Variants in MDFIC observed in about 807,000 individuals in gnomAD.
MDFIC encodes myoD family inhibitor domain-containing protein.
A neutral mutation model predicts 23.2 loss-of-function variants in MDFIC; 17 were observed. The ratio of observed to expected loss-of-function variants is 0.73; its 90% CI spans 0.50 to 1.10. The LOEUF is 1.10. Ranked by LOEUF, MDFIC falls within the 50% of genes least tolerant of loss-of-function variation. The pLI, the probability that MDFIC is intolerant of heterozygous loss-of-function variation, is 0.00. For synonymous variants in MDFIC, 120 were observed against 115.2 expected (o/e 1.04, Z -0.27); for missense variants, 356 against 316.6 (o/e 1.12, Z -0.95).
At chr7:114,975,378 A>C (rs1313445954) in intron 3 of MDFIC, among the ~76,000 whole-genome samples, 1 of 152,134 alleles carries the variant, frequency 6.6e-6, no homozygotes, top group Non-Finnish European at 1.5e-5. Flanking sequence ...CTGAATTTGC[A>C]CAAGTTACAC....
intron 3 of MDFIC, among the ~76,000 whole-genome samples, chr7:114,950,609 G>A (rs996446055): frequency 2.0e-5 from 3 of 152,166 alleles, no homozygotes; most frequent in African/African-American, 7.2e-5. Flanking sequence ...TGCAGTATGA[G>A]AATGAGAAAT....
rs1218669579 is a variant in MDFIC at position 115,018,603 on chromosome 7, T to C, written c.*2668T>C. 2 of 152,426 alleles carry C rather than the reference T, an allele frequency of 1.3e-5. No homozygotes were observed. The highest frequency in any genetic ancestry group is 2.9e-5 in the Non-Finnish European group (2 of 67,864). 9.4% of individuals were successfully genotyped at this position (152,426 alleles called of 1,614,324 possible). A position where few individuals can be genotyped will look rare whatever the true frequency, so the allele number is the denominator to read the frequency against. The stretch of plus-strand genomic sequence containing the variant: ...TATGATTTCTTAATGTAAAATGTTT[T>C]GTTGAAGTATATGGCTATCATGACT... On this transcript the variant is annotated 3_prime_UTR_variant, in exon 5 of 5. Coordinates refer to ENST00000393486, the MANE Select transcript of MDFIC (RefSeq NM_001166345.3).
intron 4 of MDFIC, among the ~76,000 whole-genome samples, chr7:114,988,063 A>G (rs1443170810): frequency 6.6e-6 from 1 of 152,212 alleles, no homozygotes; most frequent in African/African-American, 2.4e-5. Flanking sequence ...GTAATAACCA[A>G]TAATTTATAG....
chr7:114,953,642 T>C (rs770359696), intron 3 of MDFIC, among the ~76,000 whole-genome samples: 1 of 152,196 alleles, frequency 6.6e-6, no homozygotes, highest in Non-Finnish European at 1.5e-5. Context: ...TGCTCCACTT[T>C]CTAGCTATGT....
chr7:114,966,068 G>A (rs1358500913), intron 3 of MDFIC, among the ~76,000 whole-genome samples: 2 of 152,006 alleles, frequency 1.3e-5, no homozygotes, highest in South Asian at 4.2e-4. Flanking sequence ...TTACTTTAGT[G>A]TTTCACATGT....
intron 3 of MDFIC, among the ~76,000 whole-genome samples, chr7:114,947,710 G>A (rs79376557): frequency 0.025 from 3,795 of 152,252 alleles, 286 homozygotes; most frequent in East Asian, 0.24. Context: ...GAGTCAGACC[G>A]TGCTGCATCA....
intron 4 of MDFIC, among the ~76,000 whole-genome samples, chr7:114,988,042 G>C (rs1793543892): frequency 1.3e-5 from 2 of 152,158 alleles, no homozygotes; most frequent in Admixed American, 1.3e-4. Flanking sequence ...AAGCCTCAGA[G>C]CTCTTCTTTT....
intron 4 of MDFIC, among the ~76,000 whole-genome samples, chr7:114,989,925 A>G (rs1429963250): frequency 3.9e-5 from 6 of 152,154 alleles, no homozygotes; most frequent in Non-Finnish European, 7.3e-5. Flanking sequence ...ATTAAAATCG[A>G]TAGCATCTTA....
chr7:114,967,509 A>C (rs930947912), intron 3 of MDFIC, among the ~76,000 whole-genome samples: 1 of 152,188 alleles, frequency 6.6e-6, no homozygotes, highest in Non-Finnish European at 1.5e-5. Flanking sequence ...TTTGTCTTTC[A>C]TGATATAAAG....
intron 2 of MDFIC, among the ~76,000 whole-genome samples, chr7:114,928,594 T>C (rs1792242920): frequency 6.6e-6 from 1 of 152,108 alleles, no homozygotes; most frequent in East Asian, 1.9e-4. Context: ...AAGACCATTG[T>C]TGGGGCTGTA....
chr7:114,971,286 C>T (rs1383860870), intron 3 of MDFIC, among the ~76,000 whole-genome samples: 1 of 152,164 alleles, frequency 6.6e-6, no homozygotes, highest in Non-Finnish European at 1.5e-5. Flanking sequence ...GGAGTGATCT[C>T]ATTGTTCCCA....
intron 2 of MDFIC, among the ~76,000 whole-genome samples, chr7:114,927,180 A>G (rs1792208734): frequency 6.6e-6 from 1 of 152,188 alleles, no homozygotes; most frequent in Non-Finnish European, 1.5e-5. Flanking sequence ...CCAGACTTAT[A>G]GAATTAGGAT....
At chr7:114,983,119 A>G (rs1793446363) in intron 4 of MDFIC, among the ~76,000 whole-genome samples, 2 of 152,168 alleles carry the variant, frequency 1.3e-5, no homozygotes, top group Admixed American at 1.3e-4. Context: ...GTTCTGCTTC[A>G]CATTTTTGTT....
intron 4 of MDFIC, among the ~76,000 whole-genome samples, chr7:115,005,387 C>T (rs1390651546): frequency 6.6e-6 from 1 of 152,130 alleles, no homozygotes; most frequent in Admixed American, 6.5e-5. Flanking sequence ...TTGCTAATAG[C>T]CTTATTTAAA....
At chr7:115,007,492 A>G (rs1263466248) in intron 4 of MDFIC, among the ~76,000 whole-genome samples, 1 of 151,320 alleles carries the variant, frequency 6.6e-6, no homozygotes, top group Admixed American at 6.6e-5. Context: ...CTGCCCAAAA[A>G]CTGACTTTCT....
intron 4 of MDFIC, among the ~76,000 whole-genome samples, chr7:114,999,654 C>A (rs1791419324): frequency 6.6e-6 from 1 of 151,860 alleles, no homozygotes; most frequent in African/African-American, 2.4e-5. Context: ...TGACATATTT[C>A]TTAAAAACTC....
intron 2 of MDFIC, chr7:114,923,745 C>G (rs1213886807): frequency 9.7e-7 from 1 of 1,027,922 alleles, no homozygotes; most frequent in African/African-American, 1.6e-5. Flanking sequence ...TGGGAAACTT[C>G]CATAACAAGC....
intron 4 of MDFIC, among the ~76,000 whole-genome samples, chr7:114,982,012 G>A (rs562813861): frequency 6.6e-6 from 1 of 152,248 alleles, no homozygotes; most frequent in Non-Finnish European, 1.5e-5. Flanking sequence ...GAGTTTCTAT[G>A]GGCCTGCTTT....
chr7:114,981,497 T>C (rs1793416667), intron 4 of MDFIC, among the ~76,000 whole-genome samples: 1 of 152,166 alleles, frequency 6.6e-6, no homozygotes, highest in African/African-American at 2.4e-5. Context: ...CCTCCCTCTT[T>C]TACTTTTTCT....
Sources: allele counts gnomAD v4.1 joint callset (sites outside exome capture counted in the v4.1 genomes callset), GRCh38; gene constraint gnomAD v4.1.1; transcripts MANE v1.5; gene names NCBI Gene and HGNC (gene_info 2026-07-23, HGNC 2026-07-21).